The following MACROD2 variants were observed in gnomAD, a reference collection of about 807,000 sequenced individuals.
MACROD2 encodes the protein ADP-ribose glycohydrolase MACROD2.
In MACROD2, 36 loss-of-function variants were observed where a neutral mutation model predicts 70.4. The observed-to-expected ratio is 0.51, with a 90% confidence interval of 0.39 to 0.68. The LOEUF (loss-of-function observed/expected upper bound fraction) is 0.68, where lower values mean the gene tolerates loss of function less well. Among genes scored for constraint, MACROD2 ranks in the 30% least tolerant of loss-of-function variants. MACROD2 has a pLI of 0.00. For synonymous variants in MACROD2, 172 were observed against 178.8 expected (o/e 0.96, Z 0.30); for missense variants, 496 against 538.4 (o/e 0.92, Z 0.78).
At chr20:15,590,580 T>A (rs16996071) in intron 8 of MACROD2, among the ~76,000 whole-genome samples, 2,494 of 152,258 alleles carry the variant, frequency 0.016, 76 homozygotes, top group African/African-American at 0.056. Context: ...ATCATAGAAT[T>A]GATTTTAAGA....
At chr20:15,312,891 C>T (rs2077768512) in intron 6 of MACROD2, among the ~76,000 whole-genome samples, 1 of 152,070 alleles carries the variant, frequency 6.6e-6, no homozygotes, top group Non-Finnish European at 1.5e-5. Flanking sequence ...TACAGACACA[C>T]ATACATATAT....
chr20:14,807,612 G>A (rs1568807086), intron 5 of MACROD2, among the ~76,000 whole-genome samples: 1 of 152,090 alleles, frequency 6.6e-6, no homozygotes, highest in Non-Finnish European at 1.5e-5. Context: ...GACAGAAGTA[G>A]GCTTCAGAAG....
At chr20:15,574,153 G>A (rs1409719492) in intron 8 of MACROD2, among the ~76,000 whole-genome samples, 1 of 152,116 alleles carries the variant, frequency 6.6e-6, no homozygotes, top group African/African-American at 2.4e-5. Context: ...CCAAGCATGT[G>A]CAGACACCAG....
At chr20:15,836,322 C>T (rs993508034) in intron 8 of MACROD2, among the ~76,000 whole-genome samples, 12 of 152,166 alleles carry the variant, frequency 7.9e-5, no homozygotes, top group African/African-American at 2.9e-4. Flanking sequence ...CCCCTTATGA[C>T]TGACACACAC....
chr20:15,380,190 C>T (rs2045623531), intron 6 of MACROD2, among the ~76,000 whole-genome samples: 1 of 152,030 alleles, frequency 6.6e-6, no homozygotes, highest in Non-Finnish European at 1.5e-5. Flanking sequence ...TTAAAAAAAC[C>T]CTCAGCACAG....
rs768860917 is a variant in MACROD2, at chr20:15,168,157, G to A, written c.419-61783G>A. On this transcript the variant is annotated intron_variant, in intron 5 of 17. Coordinates refer to ENST00000684519, the MANE Select transcript of MACROD2 (RefSeq NM_001351661.2). The stretch of plus-strand genomic sequence containing the variant: ...AAAGCTCCTTGCTCAAAGCCTGGAG[G>A]GACTAAACAATAATACTTCACATCA... Among the ~76,000 whole-genome samples, 132 of 152,204 alleles carry A rather than the reference G, an allele frequency of 8.7e-4. 1 individual carries two copies. Among genetic ancestry groups the A allele is most frequent in the Non-Finnish European group, 1.7e-3 (116 of 68,008 alleles).
intron 9 of MACROD2, among the ~76,000 whole-genome samples, chr20:15,877,456 C>A (rs531865726): frequency 1.4e-4 from 21 of 151,780 alleles, no homozygotes; most frequent in African/African-American, 4.8e-4. Context: ...AAAAAGTTCC[C>A]TTTTTTTTAA....
intron 1 of MACROD2, among the ~76,000 whole-genome samples, chr20:14,001,742 G>A (rs868694942): frequency 2.0e-5 from 3 of 152,088 alleles, no homozygotes; most frequent in Admixed American, 6.6e-5. Flanking sequence ...TTTTACTTAC[G>A]GGGCAAGATG....
At chr20:15,653,465 A>C (rs995259257) in intron 8 of MACROD2, among the ~76,000 whole-genome samples, 13 of 152,202 alleles carry the variant, frequency 8.5e-5, no homozygotes, top group Non-Finnish European at 1.9e-4. Flanking sequence ...TCAATCACTC[A>C]GTCTGAATGT....
At chr20:14,537,936 C>A (rs962318065) in intron 4 of MACROD2, among the ~76,000 whole-genome samples, 1 of 152,168 alleles carries the variant, frequency 6.6e-6, no homozygotes, top group African/African-American at 2.4e-5. Context: ...TCTATTTTCA[C>A]CTTCTTTGCC....
intron 3 of MACROD2, among the ~76,000 whole-genome samples, chr20:14,272,197 T>C (rs1259780815): frequency 2.0e-5 from 3 of 151,910 alleles, no homozygotes; most frequent in Non-Finnish European, 4.4e-5. Context: ...AATTGTGAGA[T>C]TCACCAAAGT....
chr20:14,520,092 C>T (rs1410052355), intron 4 of MACROD2, among the ~76,000 whole-genome samples: 1 of 152,002 alleles, frequency 6.6e-6, no homozygotes, highest in African/African-American at 2.4e-5. Flanking sequence ...AGGAGTGAAT[C>T]AGAAAAAATA....
At chr20:14,797,978 G>A (rs2122129431) in intron 5 of MACROD2, among the ~76,000 whole-genome samples, 1 of 152,166 alleles carries the variant, frequency 6.6e-6, no homozygotes, top group South Asian at 2.1e-4. Context: ...ATATCCTACT[G>A]TGTTAATAGA....
intron 9 of MACROD2, among the ~76,000 whole-genome samples, chr20:15,881,067 C>A (rs575377649): frequency 1.3e-5 from 2 of 152,150 alleles, no homozygotes; most frequent in South Asian, 4.1e-4. Context: ...CACTTTGTGA[C>A]CTCCTTGAGG....
intron 6 of MACROD2, among the ~76,000 whole-genome samples, chr20:15,377,543 C>T (rs2045579949): frequency 1.3e-5 from 2 of 152,086 alleles, no homozygotes; most frequent in African/African-American, 4.8e-5. Context: ...TCAAGTACTC[C>T]CTGTGTGAAT....
intron 5 of MACROD2, among the ~76,000 whole-genome samples, chr20:15,183,553 T>G (rs1388162900): frequency 1.3e-5 from 2 of 152,138 alleles, no homozygotes; most frequent in Non-Finnish European, 2.9e-5. Flanking sequence ...ATAGTTATTC[T>G]GGATTATCCT....
chr20:15,389,672 T>A (rs575913959), intron 6 of MACROD2, among the ~76,000 whole-genome samples: 1 of 152,332 alleles, frequency 6.6e-6, no homozygotes, highest in East Asian at 1.9e-4. Context: ...TGCCAATGAA[T>A]TATATTAAAA....
chr20:14,174,041 A>T (rs1394118518), intron 3 of MACROD2, among the ~76,000 whole-genome samples: 1 of 151,706 alleles, frequency 6.6e-6, no homozygotes, highest in Non-Finnish European at 1.5e-5. Flanking sequence ...ATTGAAGTGG[A>T]CTCTGTGAGG....
At chr20:14,572,138 A>T (rs1980236245) in intron 4 of MACROD2, among the ~76,000 whole-genome samples, 1 of 152,094 alleles carries the variant, frequency 6.6e-6, no homozygotes, top group African/African-American at 2.4e-5. Flanking sequence ...ATACTGGGGA[A>T]CACTAAGGTA....
Sources: gnomAD v4.1 joint callset for allele counts (sites outside exome capture counted in the v4.1 genomes callset) on GRCh38, gnomAD v4.1.1 for gene constraint, MANE v1.5 for transcripts, NCBI Gene and HGNC (gene_info 2026-07-23, HGNC 2026-07-21) for gene names.